Variants in DCC observed in about 807,000 individuals in gnomAD.
The protein encoded by DCC is netrin receptor DCC.
Under a neutral mutation model 172.5 loss-of-function variants are expected in DCC, and 58 were observed. That is an observed-to-expected ratio of 0.34 (90% confidence interval 0.27 to 0.42). The LOEUF (loss-of-function observed/expected upper bound fraction) is 0.42, where lower values mean the gene tolerates loss of function less well. Among genes scored for constraint, DCC ranks in the 10% least tolerant of loss-of-function variants. DCC has a pLI of 1.00. For missense variants in DCC, 1,740 were observed against 1,791.0 expected (o/e 0.97, Z 0.51); for synonymous variants, 709 against 644.5 (o/e 1.10, Z -1.52).
chr18:53,469,399 G>T (rs1052699341), intron 25 of DCC, among the ~76,000 whole-genome samples: 4 of 152,160 alleles, frequency 2.6e-5, no homozygotes, highest in African/African-American at 4.8e-5. Flanking sequence ...TTCTCTAGTG[G>T]TTCATAGTTA....
At chr18:53,328,474 C>G (rs2057493163) in intron 14 of DCC, among the ~76,000 whole-genome samples, 1 of 147,410 alleles carries the variant, frequency 6.8e-6, no homozygotes, top group African/African-American at 2.4e-5. Flanking sequence ...TGTTGTTCTT[C>G]TGATTTTTCT....
chr18:52,513,654 C>T (rs1016811991), intron 1 of DCC, among the ~76,000 whole-genome samples: 1 of 152,028 alleles, frequency 6.6e-6, no homozygotes, highest in African/African-American at 2.4e-5. Flanking sequence ...AGAATGCAAA[C>T]CAAGGTCTTT....
chr18:52,746,911 GAAA>G (rs571435890), intron 1 of DCC, among the ~76,000 whole-genome samples: 3 of 125,838 alleles, frequency 2.4e-5, no homozygotes, highest in Non-Finnish European at 5.1e-5. Context: ...TCATTTTACA[GAAA>G]AAAAAAAAAA....
intron 7 of DCC, among the ~76,000 whole-genome samples, chr18:53,130,999 G>T (rs752525257): frequency 6.6e-6 from 1 of 152,112 alleles, no homozygotes; most frequent in Non-Finnish European, 1.5e-5. Flanking sequence ...AGCAAATGTA[G>T]TGTTTCTGAA....
chr18:52,455,137 A>G (rs1366254432), intron 1 of DCC, among the ~76,000 whole-genome samples: 1 of 152,186 alleles, frequency 6.6e-6, no homozygotes, highest in Non-Finnish European at 1.5e-5. Flanking sequence ...TCATTTTTAA[A>G]CCTAAGATTA....
rs55812629 is a variant in DCC, at chr18:52,818,418, T to TAAAAAAA, written c.412+66059_412+66065dup. Among the ~76,000 whole-genome samples the TAAAAAAA allele has an allele frequency of 1.8e-3, 170 of 97,082 alleles. 1 individual carries two copies. Among genetic ancestry groups the TAAAAAAA allele is most frequent in the African/African-American group, 5.7e-3 (166 of 29,002 alleles). 63.7% of individuals were successfully genotyped at this position (97,082 alleles called of 152,430 possible). Reference sequence around the variant, plus strand: ...CAGAATGAGACCCTGTCTCAAAAAGTAAAAAAAAAAAAAAAAAAAAATTTA... The same window carrying TAAAAAAA: ...CAGAATGAGACCCTGTCTCAAAAAGTAAAAAAAAAAAAAAAAAAAAAAAAAAAATTTA... On this transcript the variant is annotated intron_variant, in intron 2 of 28. Coordinates refer to ENST00000442544, the MANE Select transcript of DCC (RefSeq NM_005215.4).
Position 53,310,253 on chromosome 18 carries a change from G to A in DCC, c.2053+4534G>A, listed in dbSNP as rs533757611. 3.9e-5 allele frequency among the ~76,000 whole-genome samples: 6 copies of A among 152,114 alleles called. No homozygotes were observed. The East Asian group carries it at 1.2e-3, about 29-fold the overall frequency. On this transcript the variant is annotated intron_variant, in intron 13 of 28. Transcript: ENST00000442544. ...ATATATAGCACTTACACACTTTGTTGTAAGCAGAAGTAATTGATTTTCCAT... is the reference window on the plus strand; with the variant it reads ...ATATATAGCACTTACACACTTTGTTATAAGCAGAAGTAATTGATTTTCCAT...
chr18:53,369,262 G>T (rs2058035779), intron 15 of DCC, among the ~76,000 whole-genome samples: 2 of 151,782 alleles, frequency 1.3e-5, no homozygotes, highest in Admixed American at 1.3e-4. Context: ...AAACACAACT[G>T]ATTTTTTGTG....
At chr18:53,462,476 C>A (rs1368638112) in intron 24 of DCC, among the ~76,000 whole-genome samples, 1 of 151,686 alleles carries the variant, frequency 6.6e-6, no homozygotes, top group Non-Finnish European at 1.5e-5. Context: ...CCCATAACCC[C>A]CAGATGGGAC....
At chr18:53,260,849 A>C (rs1598958649) in intron 12 of DCC, among the ~76,000 whole-genome samples, 1 of 151,980 alleles carries the variant, frequency 6.6e-6, no homozygotes. Context: ...GGTGGGCTCC[A>C]CCCTGTTCGA....
chr18:52,807,469 A>G (rs1415974444), intron 2 of DCC, among the ~76,000 whole-genome samples: 2 of 152,258 alleles, frequency 1.3e-5, no homozygotes. Flanking sequence ...CTGCGTATAT[A>G]TAAATTCAAA....
intron 1 of DCC, among the ~76,000 whole-genome samples, chr18:52,738,509 A>G (rs930470760): frequency 6.6e-6 from 1 of 152,192 alleles, no homozygotes; most frequent in Non-Finnish European, 1.5e-5. Flanking sequence ...ATGGACTTAT[A>G]TAAGGCACTT....
intron 1 of DCC, among the ~76,000 whole-genome samples, chr18:52,385,357 C>T (rs1344349302): frequency 6.6e-6 from 1 of 151,562 alleles, no homozygotes; most frequent in Non-Finnish European, 1.5e-5. Context: ...CTCACCGCAA[C>T]CTCTGCCTCC....
At chr18:53,281,036 T>A (rs962732066) in intron 12 of DCC, among the ~76,000 whole-genome samples, 1 of 152,148 alleles carries the variant, frequency 6.6e-6, no homozygotes, top group Non-Finnish European at 1.5e-5. Flanking sequence ...CAAAATGTTA[T>A]GAATTCTTTT....
chr18:53,027,588 C>T (rs763486992), intron 5 of DCC, among the ~76,000 whole-genome samples: 5 of 152,130 alleles, frequency 3.3e-5, no homozygotes, highest in Non-Finnish European at 5.9e-5. Flanking sequence ...TAAATCAATG[C>T]TTTGTAAAAC....
intron 8 of DCC, among the ~76,000 whole-genome samples, chr18:53,167,069 G>A (rs184967007): frequency 6.6e-6 from 1 of 152,082 alleles, no homozygotes; most frequent in Non-Finnish European, 1.5e-5. Flanking sequence ...TAAGAATAAC[G>A]TAACTCCTTC....
chr18:52,993,251 G>A (rs1296758276), intron 5 of DCC, among the ~76,000 whole-genome samples: 1 of 152,134 alleles, frequency 6.6e-6, no homozygotes, highest in Non-Finnish European at 1.5e-5. Flanking sequence ...GATAAGAAAA[G>A]TTCTTAACTG....
At chr18:52,546,461 C>A (rs974097950) in intron 1 of DCC, among the ~76,000 whole-genome samples, 1 of 152,112 alleles carries the variant, frequency 6.6e-6, no homozygotes, top group African/African-American at 2.4e-5. Context: ...TTCTTCCTCT[C>A]TCAGACAACA....
At chr18:52,900,109 G>A (rs529622871) in intron 2 of DCC, among the ~76,000 whole-genome samples, 2 of 152,238 alleles carry the variant, frequency 1.3e-5, no homozygotes, top group South Asian at 2.1e-4. Context: ...GGTTCTATCC[G>A]GACTTGGGGA....
Sources: gnomAD v4.1 joint callset for allele counts (sites outside exome capture counted in the v4.1 genomes callset) on GRCh38, gnomAD v4.1.1 for gene constraint, MANE v1.5 for transcripts, NCBI Gene and HGNC (gene_info 2026-07-23, HGNC 2026-07-21) for gene names.